The following NCOR1 variants were observed in gnomAD, a reference collection of about 807,000 sequenced individuals.
NCOR1 encodes protein phosphatase 1, regulatory subunit 109.
NCOR1 carries 63 observed loss-of-function variants against 288.1 expected under a neutral mutation model. The ratio of observed to expected loss-of-function variants is 0.22; its 90% CI spans 0.18 to 0.27. The LOEUF is 0.27. Ranked by LOEUF, NCOR1 falls within the 10% of genes least tolerant of loss-of-function variation. The pLI is 1.00. For synonymous variants in NCOR1, 1,007 were observed against 1,065.9 expected (o/e 0.94, Z 1.08); for missense variants, 2,397 against 3,019.2 (o/e 0.79, Z 4.83).
intron 41 of NCOR1, among the ~76,000 whole-genome samples, chr17:16,048,234 T>A (rs2058896825): frequency 6.6e-6 from 1 of 152,164 alleles, no homozygotes; most frequent in Non-Finnish European, 1.5e-5. Flanking sequence ...ATAAGCAACA[T>A]GATTTGGACA....
At chr17:16,132,138 A>G (rs145492825) in intron 14 of NCOR1, among the ~76,000 whole-genome samples, 1 of 152,388 alleles carries the variant, frequency 6.6e-6, no homozygotes, top group African/African-American at 2.4e-5. Context: ...ATGCTTCTGA[A>G]TACCTTTAGG....
intron 35 of NCOR1, among the ~76,000 whole-genome samples, chr17:16,063,747 C>G (rs539556641): frequency 3.9e-5 from 6 of 152,264 alleles, no homozygotes; most frequent in African/African-American, 1.4e-4. Flanking sequence ...TCAACAACAC[C>G]TTTATATCTA....
intron 19 of NCOR1, among the ~76,000 whole-genome samples, chr17:16,105,579 G>A (rs2068454075): frequency 6.6e-6 from 1 of 152,132 alleles, no homozygotes; most frequent in Non-Finnish European, 1.5e-5. Context: ...AAGACCAGAG[G>A]GAAAAGCAGC....
intron 16 of NCOR1, among the ~76,000 whole-genome samples, chr17:16,119,936 T>C (rs1185371242): frequency 6.6e-6 from 1 of 152,134 alleles, no homozygotes; most frequent in African/African-American, 2.4e-5. Context: ...TGACATCCAG[T>C]GGGTAAAGAT....
intron 40 of NCOR1, among the ~76,000 whole-genome samples, chr17:16,053,187 T>C (rs2059512896): frequency 6.6e-6 from 1 of 152,186 alleles, no homozygotes; most frequent in African/African-American, 2.4e-5. Context: ...ATTGGAAGTC[T>C]TGACCAGGGT....
In NCOR1 at chr17:16,086,424, T is replaced by G; in HGVS notation, c.3035A>C (p.His1012Pro). 6.2e-7 allele frequency: 1 copy of G among 1,613,960 alleles called. No homozygotes were observed. The highest frequency in any genetic ancestry group is 2.2e-5 in the East Asian group (1 of 44,890). ...REWEVLQPAP[H>P]QVITNLPEGV... ...TTCAGGGAGATTAGTTATCACTTGA[T>G]GTGGAGCAGGCTGAAGGACTTTTAA... The change falls in exon 23 of 46, where the codon CAT becomes CCT. Residue 1012 changes from histidine (H) to proline (P), a missense_variant. Transcript: ENST00000268712.
At chr17:16,148,729 A>C (rs1054779239) in intron 9 of NCOR1, among the ~76,000 whole-genome samples, 2 of 149,880 alleles carry the variant, frequency 1.3e-5, no homozygotes, top group Non-Finnish European at 3.0e-5. Flanking sequence ...ATCTGATCAG[A>C]CTGGCAAATT....
intron 23 of NCOR1, chr17:16,084,261 C>T (rs1192022649): frequency 6.6e-6 from 1 of 152,102 alleles, no homozygotes; most frequent in Non-Finnish European, 1.5e-5. Context: ...TGAAATAGCT[C>T]ATCAAAAAAT....
chr17:16,087,217 C>G (rs1004592822), intron 22 of NCOR1: 4 of 1,304,074 alleles, frequency 3.1e-6, no homozygotes, highest in Middle Eastern at 2.1e-4. Context: ...GGCTGTGGAG[C>G]GGCTTTACTG....
At chr17:16,059,251 G>A (rs910757436) in intron 37 of NCOR1, among the ~76,000 whole-genome samples, 2 of 151,850 alleles carry the variant, frequency 1.3e-5, no homozygotes, top group Non-Finnish European at 2.9e-5. Context: ...CAATTCTGTG[G>A]GACACTCTGT....
At chr17:16,092,151 ATTGG>A in intron 21 of NCOR1, 93 bp from the exon 22 acceptor site, 1 of 1,388,802 alleles carries the variant, frequency 7.2e-7, no homozygotes, top group African/African-American at 1.4e-5. Flanking sequence ...CTGTCATGTT[ATTGG>A]TTGAATTGAT....
At chr17:16,044,748 G>T in intron 42 of NCOR1, 2 of 797,100 alleles carry the variant, frequency 2.5e-6, no homozygotes, top group Non-Finnish European at 2.2e-6. Flanking sequence ...GAACCTTTTT[G>T]GTCCAGCTTG....
At chr17:16,212,639 C>T (rs2092240852) in intron 1 of NCOR1, among the ~76,000 whole-genome samples, 1 of 152,144 alleles carries the variant, frequency 6.6e-6, no homozygotes, top group Admixed American at 6.6e-5. Flanking sequence ...AACCAAATAA[C>T]CAAAACATAT....
At chr17:16,075,233 T>C (rs1389005383) in intron 27 of NCOR1, among the ~76,000 whole-genome samples, 3 of 152,152 alleles carry the variant, frequency 2.0e-5, no homozygotes, top group Non-Finnish European at 4.4e-5. Flanking sequence ...ATAAAAGTAT[T>C]CCATTAAAGT....
chr17:16,168,258 T>C (rs1475464120), intron 4 of NCOR1, among the ~76,000 whole-genome samples: 1 of 152,172 alleles, frequency 6.6e-6, no homozygotes, highest in Non-Finnish European at 1.5e-5. Context: ...TGGAGTGCAA[T>C]GGCACAATCT....
rs926612562 is a variant in NCOR1, at chr17:16,034,745, A to G, written c.7135+20T>C. The G allele has an allele frequency of 1.9e-6, 3 of 1,584,148 alleles. No homozygotes were observed. The highest frequency in any genetic ancestry group is 2.6e-6 in the Non-Finnish European group (3 of 1,164,818). On this transcript the variant is annotated intron_variant, in intron 45 of 45. Coordinates refer to ENST00000268712, the MANE Select transcript of NCOR1 (RefSeq NM_006311.4). The stretch of plus-strand genomic sequence containing the variant: ...TATTATTGCTCTGTCTCATTTTCTA[A>G]GTTAAAGCAGAATCCTTACCTGTTG...
rs749824917 is a variant in NCOR1 at position 16,075,519 on chromosome 17, A to T, written c.3670+15T>A. On this transcript the variant is annotated intron_variant, in intron 27 of 45. Transcript: ENST00000268712. ...TATTGTAATACTGGCTTTGGTGCAT[A>T]CATACAATACTTACTATCATATGAC... 1 of 1,611,802 alleles carries T rather than the reference A, an allele frequency of 6.2e-7. No individual in the cohort carries two copies. The highest frequency in any genetic ancestry group is 8.5e-7 in the Non-Finnish European group (1 of 1,178,290).
At position 16,061,892 on chromosome 17, in the gene NCOR1, G is replaced by A. The variant is rs1011048126; in HGVS notation, c.5390C>T (p.Pro1797Leu). The A allele has an allele frequency of 1.9e-6, 3 of 1,601,598 alleles. No individual in the cohort carries two copies. Among genetic ancestry groups the A allele is most frequent in the Admixed American group, 3.5e-5 (2 of 57,766 alleles). ...TATTGAAGGGCCCCCAGCAGGCAGT[G>A]GCCTGTAAATAAAACCAAATCACAG... ...LDPTAQLRIM[P>L]LPAGGPSISQ... The change falls in exon 37 of 46, where the codon CCA becomes CTA. Residue 1797 changes from proline to leucine, a missense_variant and splice_region_variant. This residue lies in a region of NCOR1 where 1,872 missense variants were observed against 2,187.8 expected (regional missense o/e 0.86). Coordinates refer to ENST00000268712, the MANE Select transcript of NCOR1 (RefSeq NM_006311.4).
At chr17:16,145,837 G>A (rs959893829) in intron 10 of NCOR1, among the ~76,000 whole-genome samples, 2 of 152,180 alleles carry the variant, frequency 1.3e-5, no homozygotes, top group Non-Finnish European at 1.5e-5. Flanking sequence ...TGACGATGGC[G>A]GTTTTGTCGA....
Sources: gnomAD v4.1 joint callset for allele counts (sites outside exome capture counted in the v4.1 genomes callset) on GRCh38, gnomAD v4.1.1 for gene constraint, gnomAD v4.1.1 regional missense constraint, MANE v1.5 for transcripts, NCBI Gene and HGNC (gene_info 2026-07-23, HGNC 2026-07-21) for gene names.